The following BRINP3 variants were observed in gnomAD, a reference collection of about 807,000 sequenced individuals.
BRINP3 encodes BMP/retinoic acid inducible neural specific 3.
Under a neutral mutation model 71.0 loss-of-function variants are expected in BRINP3, and 19 were observed. The ratio of observed to expected loss-of-function variants is 0.27; its 90% CI spans 0.19 to 0.39. The LOEUF (loss-of-function observed/expected upper bound fraction) is 0.39, where lower values mean the gene tolerates loss of function less well. Among genes scored for constraint, BRINP3 ranks in the 10% least tolerant of loss-of-function variants. The pLI, the probability that BRINP3 is intolerant of heterozygous loss-of-function variation, is 1.00. For synonymous variants in BRINP3, 380 were observed against 337.7 expected (o/e 1.13, Z -1.37); for missense variants, 959 against 940.8 (o/e 1.02, Z -0.25).
chr1:190,475,150 A>G lies in BRINP3; in HGVS notation c.-51+2298T>C, dbSNP rs558201242. Among the ~76,000 whole-genome samples the G allele has an allele frequency of 2.1e-4, 32 of 152,254 alleles. No homozygotes were observed. The South Asian group carries it at 6.4e-3, about 31-fold the overall frequency. ...GGAAGGAGTGACCGTCAGCAATAAT[A>G]CTTTAACACAGAGCCTAAGAAGTCA... On this transcript the variant is annotated intron_variant, in intron 1 of 7. Transcript: ENST00000367462.
chr1:190,449,354 C>T (rs1417501168), intron 2 of BRINP3, among the ~76,000 whole-genome samples: 1 of 151,928 alleles, frequency 6.6e-6, no homozygotes, highest in Non-Finnish European at 1.5e-5. Context: ...ACCAGGCATT[C>T]ATGTGTGCTT....
At chr1:190,448,768 A>G (rs1448045283) in intron 2 of BRINP3, among the ~76,000 whole-genome samples, 2 of 151,692 alleles carry the variant, frequency 1.3e-5, no homozygotes, top group African/African-American at 4.8e-5. Flanking sequence ...TACATTTGCT[A>G]TATTTTTGTT....
intron 2 of BRINP3, among the ~76,000 whole-genome samples, chr1:190,329,447 A>C (rs4845236): frequency 0.44 from 65,824 of 150,494 alleles, 14,768 homozygotes; most frequent in Middle Eastern, 0.58. Flanking sequence ...CACACACACA[A>C]AAAAAAAATA....
chr1:190,288,868 A>G (rs1042725966), intron 2 of BRINP3, among the ~76,000 whole-genome samples: 5 of 151,968 alleles, frequency 3.3e-5, no homozygotes, highest in Non-Finnish European at 7.4e-5. Flanking sequence ...GTATAGACTA[A>G]TAAGTTTAAT....
At chr1:190,433,924 G>A (rs1254386046) in intron 2 of BRINP3, among the ~76,000 whole-genome samples, 1 of 152,070 alleles carries the variant, frequency 6.6e-6, no homozygotes, top group East Asian at 1.9e-4. Context: ...GCTAAAATAT[G>A]AGCTACAGAA....
At chr1:190,380,147 G>A (rs879356443) in intron 2 of BRINP3, among the ~76,000 whole-genome samples, 7 of 152,156 alleles carry the variant, frequency 4.6e-5, no homozygotes, top group South Asian at 4.1e-4. Context: ...TGTAACAATA[G>A]TCCAGGTCAA....
At chr1:190,373,338 C>T (rs956478064) in intron 2 of BRINP3, among the ~76,000 whole-genome samples, 1 of 151,216 alleles carries the variant, frequency 6.6e-6, no homozygotes, top group African/African-American at 2.4e-5. Flanking sequence ...TGCAGTGAGC[C>T]GAGATAGCGC....
At chr1:190,427,329 C>A (rs1470540899) in intron 2 of BRINP3, among the ~76,000 whole-genome samples, 1 of 151,838 alleles carries the variant, frequency 6.6e-6, no homozygotes, top group African/African-American at 2.4e-5. Context: ...TCTGTGTGCA[C>A]TCACTTAGTA....
At chr1:190,118,057 G>T (rs1035180608) in intron 7 of BRINP3, among the ~76,000 whole-genome samples, 2 of 151,618 alleles carry the variant, frequency 1.3e-5, no homozygotes, top group Non-Finnish European at 2.9e-5. Context: ...TGGGCAAAGG[G>T]TACAAATAAA....
At chr1:190,199,580 C>G (rs1436728687) in intron 6 of BRINP3, among the ~76,000 whole-genome samples, 1 of 151,854 alleles carries the variant, frequency 6.6e-6, no homozygotes, top group African/African-American at 2.4e-5. Flanking sequence ...GGAAACAAAA[C>G]AAAACCAAAA....
chr1:190,158,724 C>T (rs1405903427), intron 7 of BRINP3, among the ~76,000 whole-genome samples: 2 of 150,364 alleles, frequency 1.3e-5, no homozygotes, highest in African/African-American at 4.9e-5. Flanking sequence ...ATTAAACACA[C>T]AGCAAAGAGG....
chr1:190,117,494 T>A (rs1653246295), intron 7 of BRINP3, among the ~76,000 whole-genome samples: 1 of 152,014 alleles, frequency 6.6e-6, no homozygotes, highest in African/African-American at 2.4e-5. Flanking sequence ...CAAACATTAC[T>A]CAAATATTGT....
At chr1:190,296,799 T>C (rs1664285248) in intron 2 of BRINP3, among the ~76,000 whole-genome samples, 1 of 151,912 alleles carries the variant, frequency 6.6e-6, no homozygotes, top group South Asian at 2.1e-4. Context: ...ACAACCCCAT[T>C]TGCGATAGCA....
chr1:190,371,961 C>T (rs939186404), intron 2 of BRINP3, among the ~76,000 whole-genome samples: 4 of 152,050 alleles, frequency 2.6e-5, no homozygotes, highest in African/African-American at 7.2e-5. Context: ...TTCCTCATAA[C>T]CTCATCAATG....
intron 6 of BRINP3, among the ~76,000 whole-genome samples, chr1:190,209,214 A>G (rs1277293113): frequency 6.6e-6 from 1 of 152,120 alleles, no homozygotes; most frequent in Non-Finnish European, 1.5e-5. Context: ...TAGTTTTGCC[A>G]AAGTAACAAA....
At chr1:190,133,727 T>C (rs1034977595) in intron 7 of BRINP3, among the ~76,000 whole-genome samples, 1 of 152,100 alleles carries the variant, frequency 6.6e-6, no homozygotes, top group South Asian at 2.1e-4. Context: ...CATGTTACAA[T>C]AGTACATCCA....
chr1:190,256,045 C>G (rs750408258), intron 4 of BRINP3, among the ~76,000 whole-genome samples: 1 of 152,116 alleles, frequency 6.6e-6, no homozygotes, highest in Non-Finnish European at 1.5e-5. Flanking sequence ...CATTCAGGAG[C>G]CAGTTGTTCA....
At chr1:190,474,643 A>G (rs2102725999) in intron 1 of BRINP3, 1 of 152,446 alleles carries the variant, frequency 6.6e-6, no homozygotes, top group South Asian at 2.1e-4. Context: ...AGCTCCAAAC[A>G]TGCATCTTAT....
At chr1:190,308,905 A>G (rs981833093) in intron 2 of BRINP3, among the ~76,000 whole-genome samples, 2 of 151,978 alleles carry the variant, frequency 1.3e-5, no homozygotes, top group African/African-American at 4.8e-5. Flanking sequence ...TAAAATTAAA[A>G]ACAGAATTAC....
Sources: gnomAD v4.1 joint callset for allele counts (sites outside exome capture counted in the v4.1 genomes callset) on GRCh38, gnomAD v4.1.1 for gene constraint, MANE v1.5 for transcripts, NCBI Gene and HGNC (gene_info 2026-07-23, HGNC 2026-07-21) for gene names.